The following FAM120A variants were observed in gnomAD, a reference collection of about 807,000 sequenced individuals.
FAM120A encodes family with sequence similarity 120 member A, also known as constitutive coactivator of PPAR-gamma-like protein 1.
In FAM120A, 15 loss-of-function variants were observed where a neutral mutation model predicts 109.7. That is an observed-to-expected ratio of 0.14 (90% CI 0.09 to 0.21). The LOEUF is 0.21. Among genes scored for constraint, FAM120A ranks in the 10% least tolerant of loss-of-function variants. The pLI, the probability that FAM120A is intolerant of heterozygous loss-of-function variation, is 1.00. For missense variants in FAM120A, 899 were observed against 1,439.3 expected, an observed-to-expected ratio of 0.62 and a Z score of 6.07; for synonymous variants, 493 against 572.8, an observed-to-expected ratio of 0.86 and a Z score of 1.99.
intron 3 of FAM120A, among the ~76,000 whole-genome samples, chr9:93,494,897 G>A (rs1220678921): frequency 1.3e-5 from 2 of 152,132 alleles, no homozygotes; most frequent in Non-Finnish European, 2.9e-5. Flanking sequence ...TCTTGGATCT[G>A]GCCATTCTAT....
At chr9:93,512,105 G>A (rs1860347282) in intron 5 of FAM120A, among the ~76,000 whole-genome samples, 1 of 152,044 alleles carries the variant, frequency 6.6e-6, no homozygotes. Context: ...TTTTTGTTTT[G>A]TTTTGTTTTT....
intron 17 of FAM120A, among the ~76,000 whole-genome samples, chr9:93,564,017 A>C (rs1389238887): frequency 1.3e-5 from 2 of 152,180 alleles, no homozygotes; most frequent in Admixed American, 6.5e-5. Context: ...TTAACTACAG[A>C]GGAGTTGAGG....
intron 11 of FAM120A, among the ~76,000 whole-genome samples, chr9:93,549,055 AC>A (rs1862002049): frequency 6.6e-6 from 1 of 151,030 alleles, no homozygotes; most frequent in Non-Finnish European, 1.5e-5. Context: ...AAAAAACAAA[AC>A]AAAAACAAAC....
intron 1 of FAM120A, among the ~76,000 whole-genome samples, chr9:93,470,516 A>G (rs1858262180): frequency 6.6e-6 from 1 of 152,100 alleles, no homozygotes. Context: ...ATTGATATAG[A>G]CCTAGTCTTG....
chr9:93,508,364 G>T (rs981127027), intron 5 of FAM120A, among the ~76,000 whole-genome samples: 2 of 152,192 alleles, frequency 1.3e-5, no homozygotes, highest in Non-Finnish European at 2.9e-5. Context: ...GGGCCCCGTG[G>T]TGTGTTTCAT....
chr9:93,451,844 C>T lies in FAM120A; in HGVS notation c.-72C>T, dbSNP rs1857234015. Reference sequence around the variant, plus strand: ...CCGCCCCCGCCCGCCAGCCCGCCCGCGCGCCACGGCCCCACCACCCCCGGC... The same window carrying T: ...CCGCCCCCGCCCGCCAGCCCGCCCGTGCGCCACGGCCCCACCACCCCCGGC... On this transcript the variant is annotated 5_prime_UTR_variant, in exon 1 of 18. Transcript: ENST00000277165. 2.1e-6 allele frequency: 2 copies of T among 965,628 alleles called. No individual in the cohort carries two copies. 59.8% of individuals were successfully genotyped at this position (965,628 alleles called of 1,614,324 possible). A position where few individuals can be genotyped will look rare whatever the true frequency, so the allele number is the denominator to read the frequency against.
intron 3 of FAM120A, among the ~76,000 whole-genome samples, chr9:93,478,265 A>G (rs1433767786): frequency 6.7e-6 from 1 of 149,502 alleles, no homozygotes; most frequent in East Asian, 1.9e-4. Flanking sequence ...AAATTTTTTC[A>G]GAGTCATTTA....
intron 5 of FAM120A, among the ~76,000 whole-genome samples, chr9:93,513,415 C>A (rs1860424832): frequency 6.6e-6 from 1 of 152,106 alleles, no homozygotes; most frequent in African/African-American, 2.4e-5. Flanking sequence ...CACACACATC[C>A]CTTAGAGGCA....
intron 3 of FAM120A, among the ~76,000 whole-genome samples, chr9:93,483,142 T>C (rs1037575622): frequency 6.6e-6 from 1 of 152,194 alleles, no homozygotes; most frequent in Non-Finnish European, 1.5e-5. Context: ...ACCTATATTG[T>C]CATAGCAGGA....
At chr9:93,521,041 CTT>C (rs1167530452) in intron 7 of FAM120A, among the ~76,000 whole-genome samples, 1 of 152,162 alleles carries the variant, frequency 6.6e-6, no homozygotes, top group African/African-American at 2.4e-5. Flanking sequence ...CTATGTTACT[CTT>C]TTGAAATACA....
intron 11 of FAM120A, among the ~76,000 whole-genome samples, chr9:93,544,546 T>C (rs547531091): frequency 6.6e-6 from 1 of 152,366 alleles, no homozygotes; most frequent in East Asian, 1.9e-4. Flanking sequence ...TTAAAAGAAC[T>C]TCAAACATAG....
chr9:93,508,161 G>T (rs1278136532), intron 5 of FAM120A, among the ~76,000 whole-genome samples: 1 of 152,196 alleles, frequency 6.6e-6, no homozygotes. Context: ...CACAGAGTGA[G>T]TAGACTGAGG....
rs1203923645 is a variant in FAM120A, at chr9:93,452,890, C to T, written c.474+501C>T. 5.5e-6 allele frequency: 8 copies of T among 1,444,792 alleles called. No homozygotes were observed. Among genetic ancestry groups the T allele is most frequent in the Non-Finnish European group, 7.2e-6 (8 of 1,107,202 alleles). The allele number at this position is 1,444,792 out of a possible 1,614,324, so 89.5% of individuals were successfully genotyped here. A position where few individuals can be genotyped will look rare whatever the true frequency, so the allele number is the denominator to read the frequency against. On this transcript the variant is annotated intron_variant, in intron 1 of 17. Transcript: ENST00000277165. The surrounding 1 kb of genome is among the most constrained non-coding windows in gnomAD (Gnocchi z 7.0). ...AAATATCAGTGCTGCTGCCGCCGCC[C>T]TTGCCAATGTTGTTAGCCCGGTGAC... is the stretch of plus-strand genomic sequence containing the variant.
intron 11 of FAM120A, among the ~76,000 whole-genome samples, chr9:93,543,737 T>C (rs1861788289): frequency 6.6e-6 from 1 of 152,252 alleles, no homozygotes; most frequent in African/African-American, 2.4e-5. Flanking sequence ...ATTTTAAACA[T>C]GGTTTATTAT....
intron 1 of FAM120A, among the ~76,000 whole-genome samples, chr9:93,461,550 A>G (rs1224601992): frequency 6.6e-6 from 1 of 152,230 alleles, no homozygotes; most frequent in African/African-American, 2.4e-5. Flanking sequence ...TAGCTGAGTC[A>G]TTAGATTACT....
chr9:93,548,664 A>G (rs996621608), intron 11 of FAM120A, among the ~76,000 whole-genome samples: 1 of 152,240 alleles, frequency 6.6e-6, no homozygotes, highest in African/African-American at 2.4e-5. Context: ...GGCAAAGAAC[A>G]TTGTATATAA....
intron 11 of FAM120A, among the ~76,000 whole-genome samples, chr9:93,543,871 A>G (rs1409713106): frequency 1.3e-5 from 2 of 152,282 alleles, no homozygotes; most frequent in East Asian, 3.9e-4. Context: ...ACAGTCACAC[A>G]TTGCTTAATG....
At chr9:93,467,285 C>A (rs1438685042) in intron 1 of FAM120A, among the ~76,000 whole-genome samples, 2 of 127,390 alleles carry the variant, frequency 1.6e-5, no homozygotes, top group Non-Finnish European at 3.2e-5. Context: ...AACTGTGGAA[C>A]CACACTTCCA....
chr9:93,484,198 G>C (rs1858937765), intron 3 of FAM120A, among the ~76,000 whole-genome samples: 1 of 152,096 alleles, frequency 6.6e-6, no homozygotes, highest in African/African-American at 2.4e-5. Flanking sequence ...TGGGACTACA[G>C]GTGTGCGCCA....
Sources: allele counts gnomAD v4.1 joint callset (sites outside exome capture counted in the v4.1 genomes callset), GRCh38; gene constraint gnomAD v4.1.1; non-coding constraint Gnocchi (gnomAD v3.1); transcripts MANE v1.5; gene names NCBI Gene and HGNC (gene_info 2026-07-23, HGNC 2026-07-21).